The following BMS1 variants were observed in gnomAD, a reference collection of about 807,000 sequenced individuals.
BMS1 encodes the protein BMS1 ribosome biogenesis factor.
In BMS1, 53 loss-of-function variants were observed where a neutral mutation model predicts 138.7. The ratio of observed to expected loss-of-function variants is 0.38; its 90% CI spans 0.31 to 0.48. The LOEUF (loss-of-function observed/expected upper bound fraction) is 0.48, where lower values mean the gene tolerates loss of function less well. BMS1 is among the 20% of genes least tolerant of loss of function. The pLI is 0.97. For missense variants in BMS1, 1,360 were observed against 1,565.5 expected (o/e 0.87, Z 2.22); for synonymous variants, 504 against 539.9 (o/e 0.93, Z 0.92).
At chr10:42,800,534 T>C (rs1841838689) in intron 12 of BMS1, among the ~76,000 whole-genome samples, 1 of 151,356 alleles carries the variant, frequency 6.6e-6, no homozygotes, top group African/African-American at 2.4e-5. Context: ...GATTTTTTTT[T>C]TTTTTTTTTT....
chr10:42,812,755 G>A (rs1842220621), intron 13 of BMS1, among the ~76,000 whole-genome samples: 1 of 152,362 alleles, frequency 6.6e-6, no homozygotes. Context: ...AGGCTTGGTA[G>A]TAACAAGAGC....
At chr10:42,820,710 T>C (rs1341617255) in intron 17 of BMS1, 22 bp downstream of exon 17, 3 of 1,606,856 alleles carry the variant, frequency 1.9e-6, no homozygotes, top group Non-Finnish European at 2.6e-6. Context: ...TTACAATAAC[T>C]TGCCTGTTGC....
chr10:42,819,508 T>C (rs1471846921), intron 15 of BMS1, among the ~76,000 whole-genome samples: 3 of 152,158 alleles, frequency 2.0e-5, no homozygotes, highest in Non-Finnish European at 2.9e-5. Context: ...GAAACCCTGG[T>C]AGAGGGCTGA....
In BMS1 at chr10:42,820,651, T is replaced by C. The variant is rs61736599; in HGVS notation, c.2913T>C (p.Tyr971=). Residue 971 remains tyrosine, a synonymous_variant, in exon 17 of 23, where the codon TAT becomes TAC. Coordinates refer to ENST00000374518, the MANE Select transcript of BMS1 (RefSeq NM_014753.4). Reference sequence around the variant, plus strand: ...ATGGAAGACAAAGGCTTCTAAAGTATACCCCACAGCACATGCATTGCGGAG... The same window carrying C: ...ATGGAAGACAAAGGCTTCTAAAGTACACCCCACAGCACATGCATTGCGGAG... ...DHNGRQRLLK[Y]TPQHMHCGAA... 0.087 allele frequency: 140,785 copies of C among 1,611,634 alleles called. 6,823 individuals carry two copies. The highest frequency in any genetic ancestry group is 0.12 in the African/African-American group (9,210 of 74,944).
intron 13 of BMS1, among the ~76,000 whole-genome samples, chr10:42,814,474 T>G (rs1253170917): frequency 6.6e-6 from 1 of 152,204 alleles, no homozygotes; most frequent in Admixed American, 6.5e-5. Context: ...TTTGCTGACG[T>G]TTTCAGTTCT....
At chr10:42,817,287 T>C (rs769809662) in intron 14 of BMS1, 31 bp from the exon 15 acceptor site, 9 of 1,492,256 alleles carry the variant, frequency 6.0e-6, no homozygotes, top group East Asian at 2.4e-5. Context: ...TTCATAAACA[T>C]ACACAAAATT....
At chr10:42,813,000 A>T (rs1160145934) in intron 13 of BMS1, among the ~76,000 whole-genome samples, 1 of 152,208 alleles carries the variant, frequency 6.6e-6, no homozygotes, top group Non-Finnish European at 1.5e-5. Flanking sequence ...AAAGATGTCC[A>T]GGCAGCATAG....
chr10:42,824,725 A>G (rs1284245930), intron 21 of BMS1, among the ~76,000 whole-genome samples: 1 of 152,138 alleles, frequency 6.6e-6, no homozygotes, highest in Non-Finnish European at 1.5e-5. Context: ...TTTTCCCAGC[A>G]CTATTATTGA....
Position 42,830,988 on chromosome 10 carries a change from G to A in BMS1, c.3741G>A (p.Lys1247=). ...FRAKQKEEEE[K]LKRQKDLRKK... is the part of the protein sequence containing the mutation. ...CCAAGCAGAAGGAGGAGGAGGAGAAGCTGAAGCGGCAGAAGGACCTCAGGA... is the reference window on the plus strand; with the variant it reads ...CCAAGCAGAAGGAGGAGGAGGAGAAACTGAAGCGGCAGAAGGACCTCAGGA... The change falls in exon 23 of 23, where the codon AAG becomes AAA. Residue 1247 remains lysine, a synonymous_variant. Coordinates refer to ENST00000374518, the MANE Select transcript of BMS1 (RefSeq NM_014753.4). 6.2e-7 allele frequency: 1 copy of A among 1,606,434 alleles called. No homozygotes were observed. Among genetic ancestry groups the A allele is most frequent in the Non-Finnish European group, 8.5e-7 (1 of 1,176,142 alleles).
intron 4 of BMS1, among the ~76,000 whole-genome samples, chr10:42,789,674 G>A (rs1300073586): frequency 1.3e-5 from 2 of 151,646 alleles, no homozygotes; most frequent in Non-Finnish European, 2.9e-5. Context: ...TAACATATAA[G>A]ATAGAGGTTT....
In BMS1 at chr10:42,784,545, G is replaced by T; in HGVS notation, c.151G>T (p.Val51Leu). ...CAAAGCTTTTGCAGTTCAGTCTGCT[G>T]TGCGGATGGCTCGATCCTTTCACAG... is the stretch of plus-strand genomic sequence containing the variant. ...NPKAFAVQSA[V>L]RMARSFHRTQ... The change falls in exon 2 of 23, where the codon GTG becomes TTG. Residue 51 changes from valine (V) to leucine (L), a missense_variant. Coordinates refer to ENST00000374518, the MANE Select transcript of BMS1 (RefSeq NM_014753.4). 1 of 1,613,552 alleles carries T rather than the reference G, an allele frequency of 6.2e-7. No homozygotes were observed. The highest frequency in any genetic ancestry group is 1.3e-5 in the African/African-American group (1 of 75,024).
intron 3 of BMS1, 146 bp downstream of exon 3, chr10:42,785,818 A>C (rs1199829611): frequency 1.1e-6 from 1 of 875,780 alleles, no homozygotes; most frequent in Non-Finnish European, 1.7e-6. Flanking sequence ...TAAGTTGGCT[A>C]TAGCTTCAGA....
chr10:42,794,189 A>G (rs1225804704), intron 9 of BMS1, among the ~76,000 whole-genome samples, 198 bp downstream of exon 9: 1 of 152,000 alleles, frequency 6.6e-6, no homozygotes, highest in Non-Finnish European at 1.5e-5. Flanking sequence ...AAATTGCAGG[A>G]TGCATTTTTC....
Position 42,797,231 on chromosome 10 carries a change from G to C in BMS1, c.1987G>C (p.Gly663Arg), listed in dbSNP as rs761253169. 3.7e-6 allele frequency: 6 copies of C among 1,601,720 alleles called. No homozygotes were observed. In the African/African-American group the frequency reaches 8.1e-5, roughly 22 times the overall value. The change falls in exon 10 of 23, where the codon GGT becomes CGT. Residue 663 changes from glycine (G) to arginine (R), a missense_variant and splice_region_variant. Physicochemically the swap from Gly to Arg is moderately radical, Grantham distance 125. Coordinates refer to ENST00000374518, the MANE Select transcript of BMS1 (RefSeq NM_014753.4). ...EENNDSKETS[G>R]ALKWKEDLSR... is the part of the protein sequence containing the mutation. ...AAATAATGATTCCAAAGAAACGTCA[G>C]GTAAGCTTAAATGTAGTTGGTTGCT...
At chr10:42,803,677 G>GT (rs1564419044) in intron 13 of BMS1, among the ~76,000 whole-genome samples, 1 of 152,004 alleles carries the variant, frequency 6.6e-6, no homozygotes, top group African/African-American at 2.4e-5. Flanking sequence ...CTTGCTTATT[G>GT]TTTTTTCCAT....
intron 21 of BMS1, among the ~76,000 whole-genome samples, chr10:42,825,077 C>T (rs1451571150): frequency 1.3e-5 from 2 of 152,036 alleles, no homozygotes; most frequent in Non-Finnish European, 2.9e-5. Context: ...GGCATAATCT[C>T]GGCTCACTGA....
chr10:42,822,145 T>G lies in BMS1; in HGVS notation c.3093T>G (p.Gly1031=). ...TTGTGAAGAAATTAAAGCTAACTGG[T>G]TTTCCATATAAAATTTTCAAGAACA... ...IKIVKKLKLT[G]FPYKIFKNTS... Residue 1031 remains glycine, a synonymous_variant, in exon 19 of 23, where the codon GGT becomes GGG. Coordinates refer to ENST00000374518, the MANE Select transcript of BMS1 (RefSeq NM_014753.4). 6.6e-7 allele frequency: 1 copy of G among 1,516,634 alleles called. No homozygotes were observed. The highest frequency in any genetic ancestry group is 9.0e-7 in the Non-Finnish European group (1 of 1,108,850). 93.9% of individuals were successfully genotyped at this position (1,516,634 alleles called of 1,614,324 possible). A position where few individuals can be genotyped will look rare whatever the true frequency, so the allele number is the denominator to read the frequency against.
chr10:42,791,777 AT>A lies in BMS1; in HGVS notation c.779+9del, dbSNP rs1564410400. 6.3e-7 allele frequency: 1 copy of A among 1,593,246 alleles called. No homozygotes were observed. The highest frequency in any genetic ancestry group is 1.9e-5 in the Admixed American group (1 of 53,286). ...TTATATCCTGGCAGACAGGTAAAAT[AT>A]GATTTTAAGCTTTTTCTTCCTGGGC... On this transcript the variant is annotated intron_variant, in intron 6 of 22. Coordinates refer to ENST00000374518, the MANE Select transcript of BMS1 (RefSeq NM_014753.4).
In BMS1 at chr10:42,796,426, CT is replaced by C. The variant is rs199633226; in HGVS notation, c.1230-47del. 1.4e-4 allele frequency: 216 copies of C among 1,538,856 alleles called. No individual in the cohort carries two copies. In the East Asian group the frequency reaches 4.7e-3, roughly 34 times the overall value. ...GACTATATTGCCATTTCTAGATTAG[CT>C]GATTAATGTACAAATTGAATTATTT... On this transcript the variant is annotated intron_variant, in intron 9 of 22. Coordinates refer to ENST00000374518, the MANE Select transcript of BMS1 (RefSeq NM_014753.4).
Sources: allele counts gnomAD v4.1 joint callset (sites outside exome capture counted in the v4.1 genomes callset), GRCh38; gene constraint gnomAD v4.1.1; transcripts MANE v1.5; gene names NCBI Gene and HGNC (gene_info 2026-07-23, HGNC 2026-07-21).